RGS12: variants seen among roughly 807,000 people sequenced by gnomAD.
RGS12 encodes the protein regulator of G protein signaling 12.
In RGS12, 66 loss-of-function variants were observed where a neutral mutation model predicts 120.1. The observed-to-expected ratio is 0.55, with a 90% CI of 0.45 to 0.67. The LOEUF (loss-of-function observed/expected upper bound fraction) is 0.67, where lower values mean the gene tolerates loss of function less well. Among genes scored for constraint, RGS12 ranks in the 30% least tolerant of loss-of-function variants. RGS12 has a pLI of 0.00. For synonymous variants in RGS12, 827 were observed against 804.7 expected, an observed-to-expected ratio of 1.03 and a Z score of -0.47; for missense variants, 1,859 against 1,957.7, an observed-to-expected ratio of 0.95 and a Z score of 0.95.
chr4:3,345,530 T>G (rs1232696177), intron 3 of RGS12, among the ~76,000 whole-genome samples: 1 of 152,206 alleles, frequency 6.6e-6, no homozygotes. Flanking sequence ...CATCAGGAAG[T>G]GACTGGTGAC....
At chr4:3,420,851 C>T (rs768288711) in intron 10 of RGS12, 133 bp downstream of exon 10, 25 of 817,058 alleles carry the variant, frequency 3.1e-5, no homozygotes, top group African/African-American at 1.2e-4. Context: ...GGACAAGGCT[C>T]GGGTGCCGGC....
intron 2 of RGS12, among the ~76,000 whole-genome samples, chr4:3,336,980 T>C (rs528414726): frequency 6.6e-6 from 1 of 151,778 alleles, no homozygotes; most frequent in East Asian, 1.9e-4. Flanking sequence ...AAAGATCCAG[T>C]GTGAAACTGT....
intron 4 of RGS12, among the ~76,000 whole-genome samples, chr4:3,387,988 C>T (rs568665073): frequency 9.8e-5 from 15 of 152,334 alleles, no homozygotes; most frequent in Non-Finnish European, 1.8e-4. Context: ...AGCTCCTCGC[C>T]GTGCTGGCTC....
At chr4:3,438,550 AC>A (rs1004827948) in intron 17 of RGS12, among the ~76,000 whole-genome samples, 2 of 151,556 alleles carry the variant, frequency 1.3e-5, no homozygotes, top group Non-Finnish European at 1.5e-5. Flanking sequence ...TTCTGCGTGC[AC>A]CGTTCACTTT....
intron 1 of RGS12, among the ~76,000 whole-genome samples, chr4:3,313,902 C>T (rs1443552996): frequency 6.6e-6 from 1 of 152,152 alleles, no homozygotes; most frequent in Non-Finnish European, 1.5e-5. Context: ...GTATCAGGGG[C>T]CATCAGCCAG....
Position 3,422,977 on chromosome 4 carries a change from C to T in RGS12, c.3106C>T (p.Arg1036Trp), listed in dbSNP as rs765971889. 12 of 1,612,466 alleles carry T rather than the reference C, an allele frequency of 7.4e-6. No homozygotes were observed. The highest frequency in any genetic ancestry group is 1.7e-5 in the Admixed American group (1 of 60,010). ...DLRLEKRTLF[R>W]LDLVPINRSV... ...GCGCCTAGAAAAGCGCACCTTGTTT[C>T]GGTAAGAGGAAGATCGCTGTCATTC... The change falls in exon 12 of 18, where the codon CGG becomes TGG. Residue 1036 changes from arginine to tryptophan, a missense_variant and splice_region_variant. Arg to Trp is a moderately radical substitution (Grantham distance 101). This residue lies in a region of RGS12 where 375 missense variants were observed against 475.0 expected (regional missense o/e 0.79). Transcript: ENST00000336727.
At chr4:3,336,921 G>C (rs7668005) in intron 2 of RGS12, among the ~76,000 whole-genome samples, 5,788 of 151,714 alleles carry the variant, frequency 0.038, 288 homozygotes, top group African/African-American at 0.12. Context: ...TGTGAATTCT[G>C]TGAAGTAGAA....
At chr4:3,312,825 C>T (rs1724491026) in intron 1 of RGS12, 1 of 205,476 alleles carries the variant, frequency 4.9e-6, no homozygotes, top group Non-Finnish European at 1.1e-5. Flanking sequence ...AGGTGAAGGG[C>T]AACCACAGGT....
At chr4:3,425,434 TA>T in intron 13 of RGS12, 29 bp from the exon 14 acceptor site, 1 of 1,574,078 alleles carries the variant, frequency 6.4e-7, no homozygotes, top group Non-Finnish European at 8.7e-7. Context: ...CCAGTCTGGG[TA>T]AATTATTCAG....
At chr4:3,414,885 C>A (rs1246468282) in intron 6 of RGS12, 41 bp downstream of exon 6, 1 of 1,441,400 alleles carries the variant, frequency 6.9e-7, no homozygotes, top group Admixed American at 1.7e-5. Flanking sequence ...GTGAGAGTGG[C>A]GTGTGAGAGA....
intron 1 of RGS12, among the ~76,000 whole-genome samples, chr4:3,307,636 CG>C (rs1724047621): frequency 6.6e-6 from 1 of 152,224 alleles, no homozygotes; most frequent in Non-Finnish European, 1.5e-5. Context: ...GCGTGGATCG[CG>C]CACCTGCCCT....
At chr4:3,397,406 A>T (rs1720144464) in intron 4 of RGS12, among the ~76,000 whole-genome samples, 1 of 152,218 alleles carries the variant, frequency 6.6e-6, no homozygotes, top group South Asian at 2.1e-4. Flanking sequence ...TAACCCTCAT[A>T]TGAGTTTGGG....
chr4:3,430,376 A>C (rs1446512074), intron 16 of RGS12, 31 bp from the exon 17 acceptor site: 8 of 1,581,392 alleles, frequency 5.1e-6, no homozygotes, highest in Non-Finnish European at 6.0e-6. Context: ...AACTCTCTAA[A>C]ACACGGTCAC....
intron 2 of RGS12, among the ~76,000 whole-genome samples, chr4:3,340,263 A>G (rs1712922360): frequency 6.6e-6 from 1 of 152,234 alleles, no homozygotes; most frequent in South Asian, 2.1e-4. Context: ...TTCAGACAGC[A>G]TCAGACGAAG....
intron 3 of RGS12, chr4:3,370,295 G>A: frequency 1.2e-6 from 2 of 1,614,156 alleles, no homozygotes; most frequent in South Asian, 1.1e-5. Context: ...GTTGTCAAAC[G>A]AAACCCATGT....
chr4:3,403,222 TC>T (rs1322403610), intron 4 of RGS12, among the ~76,000 whole-genome samples: 5 of 152,232 alleles, frequency 3.3e-5, no homozygotes, highest in Admixed American at 6.5e-5. Flanking sequence ...TAGTTATAAA[TC>T]ACACGTTTCT....
At chr4:3,405,099 G>T (rs529876384) in intron 4 of RGS12, among the ~76,000 whole-genome samples, 32 of 152,362 alleles carry the variant, frequency 2.1e-4, no homozygotes, top group African/African-American at 7.5e-4. Context: ...GTAGTAACAG[G>T]AGGGGGGCTC....
intron 3 of RGS12, among the ~76,000 whole-genome samples, chr4:3,343,917 G>A (rs1011044566): frequency 6.6e-6 from 1 of 152,210 alleles, no homozygotes; most frequent in South Asian, 2.1e-4. Flanking sequence ...TGGACTTTCA[G>A]TCCAGTCCTT....
At chr4:3,426,767 T>A (rs1294675005) in intron 14 of RGS12, 2 of 152,108 alleles carry the variant, frequency 1.3e-5, no homozygotes, top group African/African-American at 4.8e-5. Context: ...GGGTCCTGTT[T>A]GTAGCTGTCC....
Sources: gnomAD v4.1 joint callset for allele counts (sites outside exome capture counted in the v4.1 genomes callset) on GRCh38, gnomAD v4.1.1 for gene constraint, gnomAD v4.1.1 regional missense constraint, MANE v1.5 for transcripts, NCBI Gene and HGNC (gene_info 2026-07-23, HGNC 2026-07-21) for gene names.